Variants in ITGA9 observed in about 807,000 individuals in gnomAD.
The protein encoded by ITGA9 is integrin subunit alpha 9, also known as integrin alpha-9.
ITGA9 carries 56 observed loss-of-function variants against 127.8 expected under a neutral mutation model. That is an observed-to-expected ratio of 0.44 (90% CI 0.35 to 0.55). The LOEUF is 0.55. Ranked by LOEUF, ITGA9 falls within the 20% of genes least tolerant of loss-of-function variation. The pLI is 0.00. For synonymous variants in ITGA9, 508 were observed against 514.5 expected (o/e 0.99, Z 0.17); for missense variants, 1,196 against 1,347.1 (o/e 0.89, Z 1.76).
intron 3 of ITGA9, among the ~76,000 whole-genome samples, 167 bp downstream of exon 3, chr3:37,473,627 T>G (rs972233573): frequency 2.0e-5 from 3 of 152,248 alleles, no homozygotes; most frequent in Admixed American, 2.0e-4. Flanking sequence ...ATCTGTCAAA[T>G]GTGAATAATG....
In ITGA9 at chr3:37,542,562, C is replaced by T. The variant is rs750899922; in HGVS notation, c.1666C>T (p.Arg556Cys). Residue 556 changes from arginine (R) to cysteine (C), a missense_variant, in exon 15 of 28, where the codon CGT (arginine) becomes TGT (cysteine). Physicochemically the swap from Arg to Cys is radical, Grantham distance 180 (BLOSUM62 -3). Transcript: ENST00000264741. The part of the protein sequence containing the change: ...LQLTYMEETC[R>C]HYVAHVKRRV... ...GCTGACTTACATGGAGGAGACGTGT[C>T]GTCACTATGTGGCCCATGTGAAGGT... 24 of 1,614,022 alleles carry T rather than the reference C, an allele frequency of 1.5e-5. No homozygotes were observed. Among genetic ancestry groups the T allele is most frequent in the African/African-American group, 4.0e-5 (3 of 74,910 alleles).
At chr3:37,731,148 G>A (rs906921440) in intron 18 of ITGA9, among the ~76,000 whole-genome samples, 1 of 152,192 alleles carries the variant, frequency 6.6e-6, no homozygotes, top group African/African-American at 2.4e-5. Context: ...CCCAGACCCT[G>A]CAGTCTCTGT....
rs1251821058 is a variant in ITGA9 at position 37,820,277 on chromosome 3, C to T, written c.*1288C>T. ...AGGAAAAGTTAGGCCTCAGAGGTGTCCCAACCTGAATCAAGGGGCTGGCTG... is the reference window on the plus strand; with the variant it reads ...AGGAAAAGTTAGGCCTCAGAGGTGTTCCAACCTGAATCAAGGGGCTGGCTG... On this transcript the variant is annotated 3_prime_UTR_variant, in exon 28 of 28. Coordinates refer to ENST00000264741, the MANE Select transcript of ITGA9 (RefSeq NM_002207.3). 1 of 152,184 alleles carries T rather than the reference C, an allele frequency of 6.6e-6. No homozygotes were observed. The highest frequency in any genetic ancestry group is 6.5e-5 in the Admixed American group (1 of 15,284). 9.4% of individuals were successfully genotyped at this position (152,184 alleles called of 1,614,324 possible). A position where few individuals can be genotyped will look rare whatever the true frequency, so the allele number is the denominator to read the frequency against.
At chr3:37,713,032 G>A (rs183718444) in intron 18 of ITGA9, among the ~76,000 whole-genome samples, 5 of 152,328 alleles carry the variant, frequency 3.3e-5, no homozygotes, top group Admixed American at 2.0e-4. Context: ...GATGAAGGAC[G>A]AGGGTCTCAC....
intron 15 of ITGA9, among the ~76,000 whole-genome samples, chr3:37,596,529 G>A (rs989192370): frequency 3.3e-5 from 5 of 152,188 alleles, no homozygotes; most frequent in African/African-American, 9.7e-5. Flanking sequence ...GTCTTGGAGA[G>A]CACAAAGATG....
chr3:37,585,749 G>C (rs948937265), intron 15 of ITGA9: 1 of 465,366 alleles, frequency 2.1e-6, no homozygotes, highest in African/African-American at 2.0e-5. Context: ...TAATATGCCT[G>C]ACTCCATAGA....
intron 22 of ITGA9, chr3:37,748,274 A>G (rs1575219370): frequency 3.9e-6 from 2 of 512,844 alleles, no homozygotes; most frequent in Non-Finnish European, 3.7e-6. Flanking sequence ...AGGCCCCGCA[A>G]GTATTACCAT....
At chr3:37,591,557 G>A (rs936467567) in intron 15 of ITGA9, among the ~76,000 whole-genome samples, 2 of 152,176 alleles carry the variant, frequency 1.3e-5, no homozygotes, top group Non-Finnish European at 1.5e-5. Flanking sequence ...TCTCTGGGGG[G>A]TTGGATTCAT....
chr3:37,516,231 C>T (rs1698982743), intron 9 of ITGA9, among the ~76,000 whole-genome samples: 1 of 152,180 alleles, frequency 6.6e-6, no homozygotes, highest in Admixed American at 6.5e-5. Flanking sequence ...TATGGTTATT[C>T]TAAGTACCAG....
At chr3:37,598,900 T>C (rs1042944689) in intron 15 of ITGA9, among the ~76,000 whole-genome samples, 1 of 152,210 alleles carries the variant, frequency 6.6e-6, no homozygotes, top group East Asian at 1.9e-4. Context: ...TGGGGAGGGC[T>C]GCACCAGTGA....
At chr3:37,503,385 T>C in intron 6 of ITGA9, 78 bp downstream of exon 6, 3 of 1,543,526 alleles carry the variant, frequency 1.9e-6, no homozygotes, top group Non-Finnish European at 2.7e-6. Context: ...TATTGCTTCA[T>C]TGTTGGAAAG....
At chr3:37,596,659 T>C (rs1699873632) in intron 15 of ITGA9, among the ~76,000 whole-genome samples, 1 of 151,866 alleles carries the variant, frequency 6.6e-6, no homozygotes, top group African/African-American at 2.4e-5. Context: ...TTAAAAGGGG[T>C]TGTACCTTAG....
At chr3:37,688,589 T>TCCTG (rs1462466269) in intron 18 of ITGA9, among the ~76,000 whole-genome samples, 2 of 152,170 alleles carry the variant, frequency 1.3e-5, no homozygotes, top group East Asian at 1.9e-4. Context: ...CTGAGCCTGG[T>TCCTG]CCTGCCTGCC....
chr3:37,730,209 G>A (rs2125527401), intron 18 of ITGA9, among the ~76,000 whole-genome samples: 1 of 152,290 alleles, frequency 6.6e-6, no homozygotes, highest in Middle Eastern at 3.4e-3. Context: ...ACACTCTTGA[G>A]ACTAATTATA....
At chr3:37,508,660 T>C in intron 8 of ITGA9, 33 bp downstream of exon 8, 1 of 1,560,506 alleles carries the variant, frequency 6.4e-7, no homozygotes, top group East Asian at 2.2e-5. Flanking sequence ...CTATTTTTTA[T>C]TTGAGAGATG....
intron 16 of ITGA9, among the ~76,000 whole-genome samples, chr3:37,634,129 T>C (rs1700254907): frequency 6.6e-6 from 1 of 151,750 alleles, no homozygotes; most frequent in South Asian, 2.1e-4. Flanking sequence ...AACCAAACCA[T>C]ACCACTAGAG....
chr3:37,518,091 C>CGTGTGTGTGTGTGTGTGTGTGTGT (rs1491416800), intron 10 of ITGA9, among the ~76,000 whole-genome samples: 12 of 51,880 alleles, frequency 2.3e-4, no homozygotes, highest in Admixed American at 4.6e-4. Flanking sequence ...TGAGAGTGTA[C>CGTGTGTGTGTGTGTGTGTGTGTGT]GCGTGTGTGT....
At chr3:37,731,230 AT>A (rs1186676300) in intron 18 of ITGA9, among the ~76,000 whole-genome samples, 7 of 152,016 alleles carry the variant, frequency 4.6e-5, no homozygotes, top group African/African-American at 1.7e-4. Context: ...TTATTTATTT[AT>A]TTTTTAGACG....
At chr3:37,534,870 C>T (rs908196018) in intron 14 of ITGA9, among the ~76,000 whole-genome samples, 3 of 152,214 alleles carry the variant, frequency 2.0e-5, no homozygotes, top group African/African-American at 7.2e-5. Context: ...TTTCTAACAA[C>T]TATTTCTCAC....
Sources: gnomAD v4.1 joint callset for allele counts (sites outside exome capture counted in the v4.1 genomes callset) on GRCh38, gnomAD v4.1.1 for gene constraint, MANE v1.5 for transcripts, NCBI Gene and HGNC (gene_info 2026-07-23, HGNC 2026-07-21) for gene names.